Variants in LAMA1 observed in about 807,000 individuals in gnomAD.
The protein encoded by LAMA1 is laminin subunit alpha-1.
LAMA1 carries 219 observed loss-of-function variants against 348.7 expected under a neutral mutation model. That is an observed-to-expected ratio of 0.63 (90% confidence interval 0.56 to 0.70). LAMA1 has a LOEUF of 0.70. Among genes scored for constraint, LAMA1 ranks in the 30% least tolerant of loss-of-function variants. The pLI is 0.00. For missense variants in LAMA1, 3,744 were observed against 3,888.0 expected (o/e 0.96, Z 0.99); for synonymous variants, 1,487 against 1,491.0 (o/e 1.00, Z 0.06).
intron 53 of LAMA1, 112 bp downstream of exon 53, chr18:6,961,474 A>G (rs2057606783): frequency 1.1e-5 from 14 of 1,317,422 alleles, no homozygotes; most frequent in Middle Eastern, 2.6e-4. Context: ...GCACATCCAT[A>G]AACAACCAGG....
chr18:7,002,932 G>A (rs1179336356), intron 29 of LAMA1, among the ~76,000 whole-genome samples: 2 of 151,608 alleles, frequency 1.3e-5, no homozygotes, highest in Non-Finnish European at 1.5e-5. Flanking sequence ...CCAGGCTAGA[G>A]TGCAGTGGTG....
chr18:7,101,752 C>T (rs2058291996), intron 1 of LAMA1, among the ~76,000 whole-genome samples: 2 of 152,098 alleles, frequency 1.3e-5, no homozygotes, highest in South Asian at 2.1e-4. Context: ...ACTGCAGCCT[C>T]GACCTCTTGG....
At chr18:7,105,393 C>T (rs1475788539) in intron 1 of LAMA1, among the ~76,000 whole-genome samples, 4 of 151,780 alleles carry the variant, frequency 2.6e-5, no homozygotes, top group South Asian at 2.1e-4. Context: ...GAGCTGAGAT[C>T]GCACCTCTGC....
At position 7,041,461 on chromosome 18, in the gene LAMA1, G is replaced by A. The variant is rs9954234; in HGVS notation, c.1261+684C>T. On this transcript the variant is annotated intron_variant, in intron 9 of 62. Coordinates refer to ENST00000389658, the MANE Select transcript of LAMA1 (RefSeq NM_005559.4). ...AGTTGGGTAATTTACCCTCCCCATC[G>A]CTGGGGGGCCCACCCATCCCTACTG... 1.8e-3 allele frequency among the ~76,000 whole-genome samples: 275 copies of A among 152,208 alleles called. 1 individual carries two copies. The highest frequency in any genetic ancestry group is 5.8e-3 in the African/African-American group (242 of 41,532).
At chr18:7,091,048 C>T (rs896403045) in intron 1 of LAMA1, among the ~76,000 whole-genome samples, 4 of 152,218 alleles carry the variant, frequency 2.6e-5, no homozygotes, top group African/African-American at 7.2e-5. Context: ...TCAGTATCCA[C>T]TTACTCCTCT....
Position 7,049,277 on chromosome 18 carries a change from A to G in LAMA1, c.589-20T>C. The G allele has an allele frequency of 1.9e-6, 3 of 1,593,562 alleles. No homozygotes were observed. Among genetic ancestry groups the G allele is most frequent in the Non-Finnish European group, 2.6e-6 (3 of 1,161,220 alleles). ...ATGAATCTGAAGATGAAGGCATCAA[A>G]ATAGATGAATGTCAATTGTTTATTT... On this transcript the variant is annotated intron_variant, in intron 4 of 62. Coordinates refer to ENST00000389658, the MANE Select transcript of LAMA1 (RefSeq NM_005559.4).
intron 3 of LAMA1, among the ~76,000 whole-genome samples, chr18:7,079,018 A>T (rs1006067099): frequency 3.3e-5 from 5 of 152,028 alleles, no homozygotes; most frequent in Admixed American, 6.6e-5. Flanking sequence ...AAAATAAAAA[A>T]AAATTCCTGC....
At chr18:6,955,742 T>G (rs1249895210) in intron 56 of LAMA1, 4 of 525,876 alleles carry the variant, frequency 7.6e-6, no homozygotes, top group Admixed American at 2.5e-5. Context: ...CTACAAATTT[T>G]CATCAGGCTT....
chr18:6,973,871 C>T (rs1218879302), intron 46 of LAMA1, among the ~76,000 whole-genome samples: 1 of 152,224 alleles, frequency 6.6e-6, no homozygotes, highest in Non-Finnish European at 1.5e-5. Flanking sequence ...GCCTTGACCT[C>T]CTGTGCTCCA....
In LAMA1 at chr18:6,999,629, T is replaced by C. The variant is rs625106; in HGVS notation, c.4479A>G (p.Ser1493=). ...YEGKHCERCS[S]SYYGNPQTPG... ...GTGTTTGAGGGTTCCCATAATAGCT[T>C]GAGGAGCACCTACAGAAAGGAAGGG... Residue 1493 remains serine (S), a synonymous_variant, in exon 32 of 63, where the codon TCA becomes TCG. Transcript: ENST00000389658. The C allele has an allele frequency of 0.43, 688,731 of 1,609,196 alleles. 153,291 individuals are homozygous for C. The highest frequency in any genetic ancestry group is 0.71 in the African/African-American group (53,122 of 74,904).
At chr18:7,006,280 G>A (rs931219202) in intron 29 of LAMA1, among the ~76,000 whole-genome samples, 1 of 152,118 alleles carries the variant, frequency 6.6e-6, no homozygotes, top group Admixed American at 6.6e-5. Flanking sequence ...ATGTGTCCCC[G>A]AGACCAATCT....
intron 19 of LAMA1, among the ~76,000 whole-genome samples, chr18:7,017,641 C>T (rs2057895292): frequency 6.6e-6 from 1 of 152,106 alleles, no homozygotes; most frequent in African/African-American, 2.4e-5. Flanking sequence ...TTCGCTTCAC[C>T]AATTTCATGA....
intron 3 of LAMA1, among the ~76,000 whole-genome samples, chr18:7,055,220 G>A (rs2058076810): frequency 6.6e-6 from 1 of 151,888 alleles, no homozygotes; most frequent in Non-Finnish European, 1.5e-5. Context: ...GGAGGCCGAG[G>A]CGGGCAGATC....
intron 36 of LAMA1, among the ~76,000 whole-genome samples, chr18:6,991,910 C>T (rs1330290639): frequency 1.3e-5 from 2 of 152,122 alleles, no homozygotes; most frequent in African/African-American, 4.8e-5. Flanking sequence ...TAGATAGTAA[C>T]GTCCAGAGTA....
chr18:6,958,883 T>C (rs556222213), intron 54 of LAMA1, among the ~76,000 whole-genome samples: 3 of 152,296 alleles, frequency 2.0e-5, no homozygotes, highest in African/African-American at 7.2e-5. Context: ...AAATATCCAT[T>C]GAATGAGATT....
chr18:7,111,299 C>G (rs1268695731), intron 1 of LAMA1, among the ~76,000 whole-genome samples: 1 of 152,166 alleles, frequency 6.6e-6, no homozygotes, highest in African/African-American at 2.4e-5. Context: ...TGAATTAACA[C>G]TTCGAGATAA....
chr18:7,016,177 T>C (rs1379323796), intron 21 of LAMA1, among the ~76,000 whole-genome samples: 1 of 152,170 alleles, frequency 6.6e-6, no homozygotes, highest in Non-Finnish European at 1.5e-5. Flanking sequence ...CTGAGGACTT[T>C]ATATAGAACA....
At chr18:7,011,048 G>C (rs547766895) in intron 25 of LAMA1, among the ~76,000 whole-genome samples, 1 of 152,288 alleles carries the variant, frequency 6.6e-6, no homozygotes, top group East Asian at 1.9e-4. Context: ...TATGTCTGTT[G>C]AATGACTGCT....
intron 29 of LAMA1, among the ~76,000 whole-genome samples, chr18:7,006,599 G>A (rs1296657603): frequency 6.6e-6 from 1 of 152,138 alleles, no homozygotes; most frequent in Non-Finnish European, 1.5e-5. Flanking sequence ...TGCATCCCTA[G>A]CTGATTTCGT....
Sources: allele counts gnomAD v4.1 joint callset (sites outside exome capture counted in the v4.1 genomes callset), GRCh38; gene constraint gnomAD v4.1.1; transcripts MANE v1.5; gene names NCBI Gene and HGNC (gene_info 2026-07-23, HGNC 2026-07-21).